Variants in TXK observed in about 807,000 individuals in gnomAD.
TXK encodes tyrosine-protein kinase TXK.
Under a neutral mutation model 81.0 loss-of-function variants are expected in TXK, and 60 were observed. That is an observed-to-expected ratio of 0.74 (90% CI 0.60 to 0.92). The LOEUF is 0.92. Among genes scored for constraint, TXK ranks in the 40% least tolerant of loss-of-function variants. The pLI is 0.00. For missense variants in TXK, 581 were observed against 638.3 expected (o/e 0.91, Z 0.97); for synonymous variants, 203 against 210.7 (o/e 0.96, Z 0.32).
intron 8 of TXK, among the ~76,000 whole-genome samples, chr4:48,092,811 A>T (rs1489819451): frequency 1.3e-5 from 2 of 152,324 alleles, no homozygotes; most frequent in South Asian, 4.1e-4. Context: ...GGGCATGGGG[A>T]CAGAAGAGGA....
At position 48,104,919 on chromosome 4, in the gene TXK, T is replaced by C. The variant is rs1718402539; in HGVS notation, c.483A>G (p.Glu161=). The C allele has an allele frequency of 1.9e-6, 3 of 1,596,396 alleles. No homozygotes were observed. The highest frequency in any genetic ancestry group is 2.6e-6 in the Non-Finnish European group (3 of 1,171,902). Residue 161 remains glutamate (E), a synonymous_variant, in exon 6 of 15, where the codon GAA becomes GAG. Transcript: ENST00000264316. ...GAATTACCTCTTGTCTCAATAGATG[T>C]TCTGCCTGATTTCTGGTAATGTTTC... ...YHRNITRNQA[E]HLLRQESKEG...
At chr4:48,085,842 A>T (rs2109418835) in intron 10 of TXK, among the ~76,000 whole-genome samples, 1 of 152,238 alleles carries the variant, frequency 6.6e-6, no homozygotes, top group Non-Finnish European at 1.5e-5. Flanking sequence ...CATCCCGCTG[A>T]GAGCCATCTC....
intron 11 of TXK, among the ~76,000 whole-genome samples, chr4:48,076,870 C>A (rs749291094): frequency 6.6e-6 from 1 of 152,144 alleles, no homozygotes; most frequent in Non-Finnish European, 1.5e-5. Flanking sequence ...CTCAAATGAC[C>A]CACCCACCTT....
intron 4 of TXK, 53 bp downstream of exon 4, chr4:48,112,254 T>G: frequency 6.5e-7 from 1 of 1,535,712 alleles, no homozygotes. Context: ...CACTAAGTAG[T>G]CTTCTTTGTG....
intron 6 of TXK, among the ~76,000 whole-genome samples, chr4:48,104,692 C>T (rs919873493): frequency 2.2e-5 from 3 of 139,528 alleles, no homozygotes; most frequent in East Asian, 4.1e-4. Flanking sequence ...TCAGGAGAAA[C>T]GTATTTCTGA....
At chr4:48,128,074 C>A (rs1164397411) in intron 1 of TXK, among the ~76,000 whole-genome samples, 1 of 152,310 alleles carries the variant, frequency 6.6e-6, no homozygotes, top group East Asian at 1.9e-4. Flanking sequence ...GCGCGGGAAG[C>A]AAAGCCGCTG....
At chr4:48,131,482 T>A (rs1460606637) in intron 1 of TXK, among the ~76,000 whole-genome samples, 1 of 152,134 alleles carries the variant, frequency 6.6e-6, no homozygotes, top group Non-Finnish European at 1.5e-5. Flanking sequence ...CAGTAATACA[T>A]CTTGAGGCAT....
At chr4:48,098,884 G>C (rs572535377) in intron 6 of TXK, among the ~76,000 whole-genome samples, 28 of 152,190 alleles carry the variant, frequency 1.8e-4, no homozygotes, top group South Asian at 1.7e-3. Flanking sequence ...AGTGAGCTGA[G>C]ATTGCGCCAC....
At chr4:48,105,263 G>A (rs1223038418) in intron 5 of TXK, among the ~76,000 whole-genome samples, 3 of 151,990 alleles carry the variant, frequency 2.0e-5, no homozygotes, top group Non-Finnish European at 4.4e-5. Flanking sequence ...AAATCATCTT[G>A]AACAAACACT....
At chr4:48,120,223 A>G (rs376418441) in intron 1 of TXK, among the ~76,000 whole-genome samples, 1 of 92,688 alleles carries the variant, frequency 1.1e-5, no homozygotes, top group Non-Finnish European at 3.1e-5. Flanking sequence ...ATGTACATAT[A>G]TACGTATATA....
chr4:48,110,658 C>T (rs929436013), intron 4 of TXK, 55 bp from the exon 5 acceptor site: 2 of 1,325,288 alleles, frequency 1.5e-6, no homozygotes, highest in South Asian at 1.2e-5. Flanking sequence ...GTGGCATTAT[C>T]ATGGCAACAA....
chr4:48,076,293 G>T (rs1717065115), intron 12 of TXK, 109 bp downstream of exon 12: 2 of 825,714 alleles, frequency 2.4e-6, no homozygotes, highest in Non-Finnish European at 3.7e-6. Flanking sequence ...AACCTAGGAA[G>T]ATAAAAACAC....
chr4:48,121,841 T>C (rs1374321070), intron 1 of TXK, among the ~76,000 whole-genome samples: 1 of 152,218 alleles, frequency 6.6e-6, no homozygotes, highest in East Asian at 1.9e-4. Context: ...TGAAAAAGTT[T>C]TGGAGATAGA....
chr4:48,112,296 A>T lies in TXK; in HGVS notation c.380+11T>A, dbSNP rs1718657037. The T allele has an allele frequency of 6.2e-7, 1 of 1,612,480 alleles. No homozygotes were observed. The highest frequency in any genetic ancestry group is 1.7e-5 in the Admixed American group (1 of 59,998). On this transcript the variant is annotated intron_variant, in intron 4 of 14. Coordinates refer to ENST00000264316, the MANE Select transcript of TXK (RefSeq NM_003328.3). Reference sequence around the variant, plus strand: ...GAATTGGATACTGACTAAGTCATGTAAGTGTCTTACCCCAAACGGTCTCTT... The same window carrying T: ...GAATTGGATACTGACTAAGTCATGTTAGTGTCTTACCCCAAACGGTCTCTT...
At position 48,089,705 on chromosome 4, in the gene TXK, A is replaced by T. The variant is rs756423244; in HGVS notation, c.784+45T>A. 1.3e-5 allele frequency: 20 copies of T among 1,504,568 alleles called. No homozygotes were observed. In the South Asian group the frequency reaches 2.2e-4, roughly 16 times the overall value. 93.2% of individuals were successfully genotyped at this position (1,504,568 alleles called of 1,614,324 possible). On this transcript the variant is annotated intron_variant, in intron 9 of 14. Transcript: ENST00000264316. ...CCGCACCCAGCCAGGTAGATTCTTT[A>T]CTACTGGATTTGCTATTTTACTTCA... is the stretch of plus-strand genomic sequence containing the variant.
At chr4:48,133,604 T>C (rs1250618230) in intron 1 of TXK, among the ~76,000 whole-genome samples, 1 of 152,216 alleles carries the variant, frequency 6.6e-6, no homozygotes, top group African/African-American at 2.4e-5. Flanking sequence ...CATAGAATTG[T>C]GAATAAATAC....
intron 6 of TXK, among the ~76,000 whole-genome samples, chr4:48,097,215 AAAT>A (rs1718015401): frequency 6.6e-6 from 1 of 152,168 alleles, no homozygotes; most frequent in African/African-American, 2.4e-5. Context: ...AATCAATCAA[AAAT>A]AATAAGTCAC....
At chr4:48,074,855 G>A (rs1162356943) in intron 12 of TXK, among the ~76,000 whole-genome samples, 1 of 151,928 alleles carries the variant, frequency 6.6e-6, no homozygotes, top group African/African-American at 2.4e-5. Context: ...ATTCTACTTA[G>A]GTAAAGAATG....
chr4:48,079,451 C>T (rs1717205448), intron 11 of TXK, among the ~76,000 whole-genome samples: 1 of 152,118 alleles, frequency 6.6e-6, no homozygotes, highest in African/African-American at 2.4e-5. Context: ...TGGCCCCCAC[C>T]CAGGAACTGA....
Sources: allele counts gnomAD v4.1 joint callset (sites outside exome capture counted in the v4.1 genomes callset), GRCh38; gene constraint gnomAD v4.1.1; transcripts MANE v1.5; gene names NCBI Gene and HGNC (gene_info 2026-07-23, HGNC 2026-07-21).